The following GATB variants were observed in gnomAD, a reference collection of about 807,000 sequenced individuals.
GATB encodes glutamyl-tRNA amidotransferase subunit B, also known as glutamyl-tRNA(Gln) amidotransferase subunit B, mitochondrial.
Under a neutral mutation model 62.3 loss-of-function variants are expected in GATB, and 39 were observed. That is an observed-to-expected ratio of 0.63 (90% confidence interval 0.48 to 0.82). The LOEUF (loss-of-function observed/expected upper bound fraction) is 0.82. Ranked by LOEUF, GATB falls within the 40% of genes least tolerant of loss-of-function variation. GATB has a pLI of 0.00. For synonymous variants in GATB, 276 were observed against 258.9 expected (o/e 1.07, Z -0.63); for missense variants, 670 against 684.0 (o/e 0.98, Z 0.23).
chr4:151,730,729 A>G lies in GATB; in HGVS notation c.328-11191T>C, dbSNP rs1560859509. On this transcript the variant is annotated intron_variant, in intron 2 of 12. Transcript: ENST00000263985. This position sits in a 1 kb window ranked among gnomAD's most constrained non-coding sequence, Gnocchi z 4.1. The stretch of plus-strand genomic sequence containing the variant: ...ACATCCACAGGAAAAGGGAGAGAAT[A>G]TTATTACATCAAGGGAACACCCCAT... Among the ~76,000 whole-genome samples, 1 of 152,226 alleles carries G rather than the reference A, an allele frequency of 6.6e-6. No homozygotes were observed. The highest frequency in any genetic ancestry group is 6.5e-5 in the Admixed American group (1 of 15,290).
At chr4:151,742,095 T>C (rs1369707522) in intron 2 of GATB, among the ~76,000 whole-genome samples, 1 of 151,136 alleles carries the variant, frequency 6.6e-6, no homozygotes, top group African/African-American at 2.4e-5. Flanking sequence ...ATATGGTTTT[T>C]TTTTTTTTTT....
At chr4:151,703,525 T>C (rs1490125055) in intron 8 of GATB, 4 of 349,450 alleles carry the variant, frequency 1.1e-5, no homozygotes, top group African/African-American at 6.2e-5. Flanking sequence ...TACTGAACAT[T>C]AGAATAAGAA....
rs189224822 is a variant in GATB, at chr4:151,732,728, A to G, written c.328-13190T>C. ...AGAATGATCAATAAAAAAAAAAAAA[A>G]AAAGAATTTTTATAATTTTAATGAG... On this transcript the variant is annotated intron_variant, in intron 2 of 12. Transcript: ENST00000263985. Among the ~76,000 whole-genome samples, 89 of 151,678 alleles carry G rather than the reference A, an allele frequency of 5.9e-4. 1 individual carries two copies. In the East Asian group the frequency reaches 0.011, roughly 18 times the overall value.
chr4:151,730,251 T>C lies in GATB; in HGVS notation c.328-10713A>G, dbSNP rs1004310696. Among the ~76,000 whole-genome samples, 6 of 152,096 alleles carry C rather than the reference T, an allele frequency of 3.9e-5. No individual in the cohort carries two copies. Among genetic ancestry groups the C allele is most frequent in the Admixed American group, 3.9e-4 (6 of 15,286 alleles). On this transcript the variant is annotated intron_variant, in intron 2 of 12. Transcript: ENST00000263985. The surrounding 1 kb of genome is among the most constrained non-coding windows in gnomAD (Gnocchi z 4.1). ...TGACCTGGGAATCTCATCCCCATCA[T>C]CCACAGCAGCCGCAGCAAGACCCGC...
At position 151,689,698 on chromosome 4, in the gene GATB, A is replaced by G. The variant is rs113294585; in HGVS notation, c.1198-935T>C. On this transcript the variant is annotated intron_variant, in intron 9 of 12. Transcript: ENST00000263985. Reference sequence around the variant, plus strand: ...CACCAACCTAATATCAGCAGACGGAATTGGTGTCTCCCGTCAGCATGTATG... The same window carrying G: ...CACCAACCTAATATCAGCAGACGGAGTTGGTGTCTCCCGTCAGCATGTATG... 4.3e-3 allele frequency among the ~76,000 whole-genome samples: 649 copies of G among 152,276 alleles called. 7 individuals are homozygous for G. Among genetic ancestry groups the G allele is most frequent in the African/African-American group, 0.014 (585 of 41,574 alleles).
At chr4:151,713,126 C>T (rs1738851705) in intron 5 of GATB, among the ~76,000 whole-genome samples, 1 of 151,982 alleles carries the variant, frequency 6.6e-6, no homozygotes, top group Admixed American at 6.6e-5. Context: ...AAGAATCTAC[C>T]ATCTAATAAT....
chr4:151,726,604 G>C (rs1399700515), intron 2 of GATB, among the ~76,000 whole-genome samples: 1 of 152,194 alleles, frequency 6.6e-6, no homozygotes, highest in Non-Finnish European at 1.5e-5. Context: ...TCCCGAAGGG[G>C]AAAGAAAATC....
In GATB at chr4:151,705,142, C is replaced by T. The variant is rs112161789; in HGVS notation, c.962+43G>A. 1,281 of 1,417,282 alleles carry T rather than the reference C, an allele frequency of 9.0e-4. 13 individuals carry two copies. In the African/African-American group the frequency reaches 0.015, roughly 16 times the overall value. 87.8% of individuals were successfully genotyped at this position (1,417,282 alleles called of 1,614,324 possible). A position where few individuals can be genotyped will look rare whatever the true frequency, so the allele number is the denominator to read the frequency against. ...AGTGGCTGAGCCCAGCCCTCTCGCA[C>T]CACCCCCGGCTGTGGTCAGGACGCT... On this transcript the variant is annotated intron_variant, in intron 7 of 12. Coordinates refer to ENST00000263985, the MANE Select transcript of GATB (RefSeq NM_004564.3).
chr4:151,697,457 A>G (rs1175971810), intron 9 of GATB, among the ~76,000 whole-genome samples: 1 of 151,910 alleles, frequency 6.6e-6, no homozygotes, highest in African/African-American at 2.4e-5. Flanking sequence ...GGAATAACAG[A>G]CACTGAAGAC....
intron 8 of GATB, 23 bp from the exon 9 acceptor site, chr4:151,701,541 A>T: frequency 7.0e-7 from 1 of 1,429,782 alleles, no homozygotes; most frequent in Non-Finnish European, 9.3e-7. Context: ...AGGAGACGGG[A>T]CCTGAATCTG....
chr4:151,690,247 A>G (rs1043488408), intron 9 of GATB, among the ~76,000 whole-genome samples: 1 of 152,206 alleles, frequency 6.6e-6, no homozygotes, highest in Non-Finnish European at 1.5e-5. Context: ...AAAAAACCCT[A>G]CATGTTCTTT....
At chr4:151,742,850 C>G (rs1739520074) in intron 2 of GATB, among the ~76,000 whole-genome samples, 1 of 152,088 alleles carries the variant, frequency 6.6e-6, no homozygotes, top group African/African-American at 2.4e-5. Context: ...AATCAGCAGT[C>G]AAGCAAAAAG....
chr4:151,720,293 A>G (rs1739002194), intron 2 of GATB: 1 of 152,164 alleles, frequency 6.6e-6, no homozygotes, highest in Admixed American at 6.5e-5. Flanking sequence ...CAACGAGATA[A>G]TGTAGCCAAG....
rs140192332 is a variant in GATB, at chr4:151,701,749, C to G, written c.1008-231G>C. On this transcript the variant is annotated intron_variant, in intron 8 of 12. Coordinates refer to ENST00000263985, the MANE Select transcript of GATB (RefSeq NM_004564.3). ...ATAAATAAGATGAGTGAAAGAAGCA[C>G]AACACAGGCTTGAAGTCACACTGGG... 1.7e-3 allele frequency among the ~76,000 whole-genome samples: 257 copies of G among 152,316 alleles called. 1 individual carries two copies. The highest frequency in any genetic ancestry group is 5.9e-3 in the African/African-American group (245 of 41,568).
intron 2 of GATB, among the ~76,000 whole-genome samples, chr4:151,750,771 G>T (rs1235913680): frequency 6.7e-6 from 1 of 150,034 alleles, no homozygotes; most frequent in Non-Finnish European, 1.5e-5. Flanking sequence ...CGGACTACAG[G>T]CATACACCAC....
At chr4:151,685,908 C>A (rs1738233570) in intron 10 of GATB, among the ~76,000 whole-genome samples, 1 of 152,048 alleles carries the variant, frequency 6.6e-6, no homozygotes, top group Non-Finnish European at 1.5e-5. Context: ...CAAAAATTAG[C>A]TGGGTGTGGT....
At chr4:151,753,767 C>G (rs75950552) in intron 2 of GATB, among the ~76,000 whole-genome samples, 1,937 of 151,270 alleles carry the variant, frequency 0.013, 40 homozygotes, top group African/African-American at 0.04. Context: ...AACTCATCAG[C>G]ATTTAAACAT....
chr4:151,738,711 G>T (rs1248437492), intron 2 of GATB, among the ~76,000 whole-genome samples: 1 of 152,212 alleles, frequency 6.6e-6, no homozygotes, highest in African/African-American at 2.4e-5. Context: ...TAGCTAGCTG[G>T]CTGTGATAAG....
At chr4:151,678,766 A>C (rs1278846225) in intron 11 of GATB, among the ~76,000 whole-genome samples, 1 of 152,250 alleles carries the variant, frequency 6.6e-6, no homozygotes, top group Admixed American at 6.5e-5. Context: ...GATAAACGTT[A>C]CATGCAAAAG....
Sources: allele counts gnomAD v4.1 joint callset (sites outside exome capture counted in the v4.1 genomes callset), GRCh38; gene constraint gnomAD v4.1.1; non-coding constraint Gnocchi (gnomAD v3.1); transcripts MANE v1.5; gene names NCBI Gene and HGNC (gene_info 2026-07-23, HGNC 2026-07-21).